The following PPP2R5E variants were observed in gnomAD, a reference collection of about 807,000 sequenced individuals.
PPP2R5E encodes serine/threonine-protein phosphatase 2A 56 kDa regulatory subunit epsilon isoform.
In PPP2R5E, 4 loss-of-function variants were observed where a neutral mutation model predicts 65.3. That is an observed-to-expected ratio of 0.06 (90% CI 0.03 to 0.14). The LOEUF is 0.14. PPP2R5E is among the 10% of genes least tolerant of loss of function. The probability of loss-of-function intolerance (pLI) is 1.00; values close to 1 mark genes in which losing one functional copy is unlikely to be tolerated. For synonymous variants in PPP2R5E, 183 were observed against 187.4 expected, an observed-to-expected ratio of 0.98 and a Z score of 0.19; for missense variants, 274 against 556.1, an observed-to-expected ratio of 0.49 and a Z score of 5.10.
intron 4 of PPP2R5E, among the ~76,000 whole-genome samples, chr14:63,421,040 G>A (rs1427698612): frequency 9.2e-5 from 6 of 65,350 alleles, no homozygotes; most frequent in Non-Finnish European, 1.2e-4. Flanking sequence ...GCGACAGAGC[G>A]AGACTCCGTC....
chr14:63,409,896 G>C (rs535511731), intron 5 of PPP2R5E, among the ~76,000 whole-genome samples: 32 of 152,328 alleles, frequency 2.1e-4, no homozygotes, highest in African/African-American at 7.7e-4. Context: ...CTGCAAGTAG[G>C]CAGAGAAGCC....
intron 9 of PPP2R5E, 29 bp downstream of exon 9, chr14:63,391,943 G>C (rs368121677): frequency 1.2e-6 from 2 of 1,608,206 alleles, no homozygotes; most frequent in African/African-American, 1.3e-5. Flanking sequence ...TTTTTCTTAA[G>C]TTTTTGAAAT....
intron 11 of PPP2R5E, 30 bp downstream of exon 11, chr14:63,389,582 T>C (rs1884889573): frequency 1.9e-6 from 3 of 1,569,522 alleles, no homozygotes; most frequent in Non-Finnish European, 2.6e-6. Flanking sequence ...TAACTCATGC[T>C]CCCTGGCTCA....
chr14:63,524,275 C>G (rs879286659), intron 2 of PPP2R5E, among the ~76,000 whole-genome samples: 7 of 152,210 alleles, frequency 4.6e-5, no homozygotes, highest in Non-Finnish European at 8.8e-5. Context: ...TTGCTTCTCT[C>G]ACAACACTGC....
chr14:63,410,701 C>T (rs1886347224), intron 5 of PPP2R5E, among the ~76,000 whole-genome samples: 2 of 152,222 alleles, frequency 1.3e-5, no homozygotes, highest in South Asian at 4.1e-4. Context: ...AGATTACCAA[C>T]ATGAATGAGC....
At chr14:63,428,534 A>G (rs1306174402) in intron 3 of PPP2R5E, among the ~76,000 whole-genome samples, 1 of 152,214 alleles carries the variant, frequency 6.6e-6, no homozygotes, top group African/African-American at 2.4e-5. Flanking sequence ...AAGAACCTCT[A>G]CTGAAGGGGC....
chr14:63,498,524 C>T (rs923850538), intron 2 of PPP2R5E, among the ~76,000 whole-genome samples: 2 of 151,880 alleles, frequency 1.3e-5, no homozygotes, highest in Non-Finnish European at 2.9e-5. Flanking sequence ...AATACAATAA[C>T]AAAACATTTT....
intron 5 of PPP2R5E, among the ~76,000 whole-genome samples, chr14:63,399,366 C>CTTTTTTTTTGTTTT (rs1885606586): frequency 2.1e-5 from 1 of 48,504 alleles, no homozygotes; most frequent in Admixed American, 3.3e-4. Context: ...GGATTTCTTT[C>CTTTTTTTTTGTTTT]TTTTTTTTTT....
chr14:63,439,961 G>A (rs188558340), intron 3 of PPP2R5E, among the ~76,000 whole-genome samples: 22 of 152,280 alleles, frequency 1.4e-4, no homozygotes. Flanking sequence ...TTCATACACT[G>A]GCACTTTCAA....
At chr14:63,469,524 C>T (rs1290133785) in intron 2 of PPP2R5E, among the ~76,000 whole-genome samples, 1 of 151,434 alleles carries the variant, frequency 6.6e-6, no homozygotes, top group Non-Finnish European at 1.5e-5. Flanking sequence ...AAACCCATCT[C>T]TACTAAAAAA....
chr14:63,455,214 C>T (rs561696436), intron 2 of PPP2R5E, among the ~76,000 whole-genome samples: 1 of 152,324 alleles, frequency 6.6e-6, no homozygotes, highest in East Asian at 1.9e-4. Context: ...CAGGACCCAC[C>T]AGGCTCCTCT....
At position 63,371,999 on chromosome 14, in the gene PPP2R5E, G is replaced by C. The variant is rs1883714758; in HGVS notation, c.*4010C>G. The C allele has an allele frequency of 6.6e-6, 1 of 151,490 alleles. No homozygotes were observed. Among genetic ancestry groups the C allele is most frequent in the Non-Finnish European group, 1.5e-5 (1 of 67,952 alleles). The allele number at this position is 151,490 out of a possible 1,614,324, so 9.4% of individuals were successfully genotyped here. A position where few individuals can be genotyped will look rare whatever the true frequency, so the allele number is the denominator to read the frequency against. ...AATTCCCCATTGATACATGAGGTTT[G>C]GATTACAACTTATTTACAATAAGTG... On this transcript the variant is annotated 3_prime_UTR_variant, in exon 14 of 14. Transcript: ENST00000337537.
chr14:63,508,480 T>C (rs1443698888), intron 2 of PPP2R5E, among the ~76,000 whole-genome samples: 1 of 152,226 alleles, frequency 6.6e-6, no homozygotes, highest in African/African-American at 2.4e-5. Context: ...TTCCTGAGCA[T>C]CTACAATAAG....
At chr14:63,381,915 T>C (rs1398373207) in intron 13 of PPP2R5E, 141 bp downstream of exon 13, 18 of 608,220 alleles carry the variant, frequency 3.0e-5, no homozygotes, top group Admixed American at 1.5e-4. Flanking sequence ...TCAGAACATA[T>C]ACTGGTTGTT....
chr14:63,397,927 C>T (rs939263060), intron 5 of PPP2R5E, among the ~76,000 whole-genome samples: 6 of 152,056 alleles, frequency 3.9e-5, no homozygotes, highest in Admixed American at 3.3e-4. Flanking sequence ...CAGGGTTTCA[C>T]CATATTGGTC....
At chr14:63,510,940 A>G (rs2139697524) in intron 2 of PPP2R5E, among the ~76,000 whole-genome samples, 1 of 152,358 alleles carries the variant, frequency 6.6e-6, no homozygotes, top group African/African-American at 2.4e-5. Flanking sequence ...GTAGCAAAGG[A>G]GGCAGAGAAG....
chr14:63,427,239 C>T (rs989707915), intron 3 of PPP2R5E, among the ~76,000 whole-genome samples: 6 of 152,144 alleles, frequency 3.9e-5, no homozygotes, highest in African/African-American at 1.2e-4. Context: ...AAGTCACAAA[C>T]GGTCTCTATT....
At chr14:63,405,580 A>C (rs1886022696) in intron 5 of PPP2R5E, among the ~76,000 whole-genome samples, 1 of 152,248 alleles carries the variant, frequency 6.6e-6, no homozygotes, top group African/African-American at 2.4e-5. Flanking sequence ...GGATACTTGA[A>C]TAGTATGTCT....
At chr14:63,465,322 T>C (rs1250310717) in intron 2 of PPP2R5E, among the ~76,000 whole-genome samples, 2 of 151,690 alleles carry the variant, frequency 1.3e-5, no homozygotes, top group Non-Finnish European at 2.9e-5. Context: ...TCTAGAAACA[T>C]TAAATTTTTG....
Sources: allele counts gnomAD v4.1 joint callset (sites outside exome capture counted in the v4.1 genomes callset), GRCh38; gene constraint gnomAD v4.1.1; transcripts MANE v1.5; gene names NCBI Gene and HGNC (gene_info 2026-07-23, HGNC 2026-07-21).